The following FAR2 variants were observed in gnomAD, a reference collection of about 807,000 sequenced individuals.
FAR2 encodes the protein fatty acyl-CoA reductase 2.
FAR2 carries 19 observed loss-of-function variants against 56.0 expected under a neutral mutation model. The observed-to-expected ratio is 0.34, with a 90% CI of 0.24 to 0.50. The LOEUF is 0.50. FAR2 is among the 20% of genes least tolerant of loss of function. FAR2 has a pLI of 0.98. For missense variants in FAR2, 508 were observed against 642.2 expected (o/e 0.79, Z 2.26); for synonymous variants, 219 against 218.8 (o/e 1.00, Z -0.01).
At chr12:29,268,523 GC>G (rs143935478) in intron 1 of FAR2, among the ~76,000 whole-genome samples, 4,742 of 152,204 alleles carry the variant, frequency 0.031, 127 homozygotes, top group Non-Finnish European at 0.043. Context: ...GCCTTGCATT[GC>G]AGCCCAAGCT....
At chr12:29,312,724 T>A (rs1949374946) in intron 8 of FAR2, among the ~76,000 whole-genome samples, 1 of 152,120 alleles carries the variant, frequency 6.6e-6, no homozygotes, top group African/African-American at 2.4e-5. Flanking sequence ...GGTAGAAAGT[T>A]AAAGTAGGGA....
At position 29,329,409 on chromosome 12, in the gene FAR2, G is replaced by C. The variant is rs115611463; in HGVS notation, c.1258-3191G>C. Among the ~76,000 whole-genome samples the C allele has an allele frequency of 7.2e-3, 1,100 of 152,232 alleles. 9 individuals carry two copies. The highest frequency in any genetic ancestry group is 0.025 in the African/African-American group (1,042 of 41,532). ...CAAAATTTTATGAAAAAGAATCAAA[G>C]CTTCAGTGGATTTAACATATGCTCT... On this transcript the variant is annotated intron_variant, in intron 10 of 11. Coordinates refer to ENST00000536681, the MANE Select transcript of FAR2 (RefSeq NM_001271783.2).
intron 1 of FAR2, among the ~76,000 whole-genome samples, chr12:29,233,744 C>T (rs558761244): frequency 6.6e-6 from 1 of 152,292 alleles, no homozygotes; most frequent in East Asian, 1.9e-4. Flanking sequence ...AAGTCTTTCT[C>T]ATATTTCAAA....
chr12:29,171,037 C>T (rs553034026), intron 1 of FAR2, among the ~76,000 whole-genome samples: 11 of 152,376 alleles, frequency 7.2e-5, no homozygotes, highest in Admixed American at 5.9e-4. Flanking sequence ...CTATCTGTAG[C>T]GAAGTCTCCC....
At chr12:29,318,389 A>G (rs936966403) in intron 9 of FAR2, among the ~76,000 whole-genome samples, 2 of 152,252 alleles carry the variant, frequency 1.3e-5, no homozygotes, top group African/African-American at 4.8e-5. Flanking sequence ...GTTTTAAAAT[A>G]TATCAGGATT....
chr12:29,302,183 G>A (rs918515260), intron 4 of FAR2: 3 of 136,820 alleles, frequency 2.2e-5, no homozygotes, highest in Non-Finnish European at 4.6e-5. Context: ...TGAGCCGAGA[G>A]ATTGTGCCAC....
At chr12:29,168,986 A>G (rs1949859519) in intron 1 of FAR2, among the ~76,000 whole-genome samples, 2 of 152,270 alleles carry the variant, frequency 1.3e-5, no homozygotes, top group Admixed American at 6.5e-5. Flanking sequence ...TGTGTTTACA[A>G]TCCTTTAGCT....
intron 4 of FAR2, among the ~76,000 whole-genome samples, chr12:29,304,885 G>C (rs1949231936): frequency 6.6e-6 from 1 of 152,014 alleles, no homozygotes; most frequent in African/African-American, 2.4e-5. Context: ...CATGTATTTT[G>C]GTTTATATGT....
intron 1 of FAR2, among the ~76,000 whole-genome samples, chr12:29,259,863 T>C (rs1437966151): frequency 6.6e-6 from 1 of 152,144 alleles, no homozygotes; most frequent in African/African-American, 2.4e-5. Flanking sequence ...TTGGGTGTGT[T>C]AGTATTCTGG....
chr12:29,158,008 T>C (rs1038361250), intron 1 of FAR2, among the ~76,000 whole-genome samples: 5 of 152,242 alleles, frequency 3.3e-5, no homozygotes, highest in Non-Finnish European at 7.3e-5. Flanking sequence ...GAAAGTTGTA[T>C]GGATAGAAGT....
At chr12:29,235,887 T>C (rs1226268182) in intron 1 of FAR2, among the ~76,000 whole-genome samples, 1 of 151,940 alleles carries the variant, frequency 6.6e-6, no homozygotes, top group East Asian at 1.9e-4. Context: ...AATTAAAAAA[T>C]ACAAAACCTA....
intron 1 of FAR2, among the ~76,000 whole-genome samples, chr12:29,230,356 T>G (rs1011605180): frequency 2.6e-5 from 4 of 151,896 alleles, no homozygotes; most frequent in African/African-American, 9.7e-5. Flanking sequence ...GGCTGAGAGC[T>G]GCAGTAGAGC....
chr12:29,332,867 C>A, intron 11 of FAR2, 140 bp downstream of exon 11: 1 of 811,744 alleles, frequency 1.2e-6, no homozygotes, highest in Non-Finnish European at 2.1e-6. Flanking sequence ...ATACTCTACC[C>A]TGTAACACAG....
intron 10 of FAR2, among the ~76,000 whole-genome samples, chr12:29,328,796 G>A (rs1949686859): frequency 6.6e-6 from 1 of 151,308 alleles, no homozygotes; most frequent in South Asian, 2.1e-4. Context: ...AATGCTAAAT[G>A]ACGAGTTAAT....
chr12:29,220,053 C>A (rs920692047), intron 1 of FAR2, among the ~76,000 whole-genome samples: 2 of 152,156 alleles, frequency 1.3e-5, no homozygotes, highest in Non-Finnish European at 2.9e-5. Flanking sequence ...ATGATCCCTG[C>A]ACATTACAAA....
chr12:29,212,539 A>G (rs1433627245), intron 1 of FAR2, among the ~76,000 whole-genome samples: 1 of 152,134 alleles, frequency 6.6e-6, no homozygotes, highest in Non-Finnish European at 1.5e-5. Context: ...CTCATAATTT[A>G]TATTCTATTC....
chr12:29,244,429 T>G (rs557727481), intron 1 of FAR2, among the ~76,000 whole-genome samples: 1 of 152,294 alleles, frequency 6.6e-6, no homozygotes, highest in African/African-American at 2.4e-5. Context: ...CCAAGCCAGT[T>G]GGTTCACACA....
chr12:29,301,632 G>A (rs947124148), intron 4 of FAR2: 1 of 152,140 alleles, frequency 6.6e-6, no homozygotes, highest in African/African-American at 2.4e-5. Flanking sequence ...TAGAAAAATG[G>A]AATCACAAAT....
chr12:29,273,350 T>C (rs1389026655), intron 2 of FAR2, among the ~76,000 whole-genome samples: 1 of 152,068 alleles, frequency 6.6e-6, no homozygotes, highest in Non-Finnish European at 1.5e-5. Flanking sequence ...TTATTGGAGA[T>C]CCTGCAGGGA....
Sources: gnomAD v4.1 joint callset for allele counts (sites outside exome capture counted in the v4.1 genomes callset) on GRCh38, gnomAD v4.1.1 for gene constraint, MANE v1.5 for transcripts, NCBI Gene and HGNC (gene_info 2026-07-23, HGNC 2026-07-21) for gene names.